HSD17B4: variants seen among roughly 807,000 people sequenced by gnomAD.
The protein encoded by HSD17B4 is peroxisomal multifunctional enzyme type 2.
HSD17B4 carries 70 observed loss-of-function variants against 101.0 expected under a neutral mutation model. The observed-to-expected ratio is 0.69, with a 90% confidence interval of 0.57 to 0.85. The LOEUF is 0.85. Among genes scored for constraint, HSD17B4 ranks in the 40% least tolerant of loss-of-function variants. The pLI, the probability that HSD17B4 is intolerant of heterozygous loss-of-function variation, is 0.00. For missense variants in HSD17B4, 984 were observed against 892.4 expected (o/e 1.10, Z -1.31); for synonymous variants, 347 against 297.1 (o/e 1.17, Z -1.73).
chr5:119,514,837 C>A, intron 16 of HSD17B4, 144 bp from the exon 17 acceptor site: 1 of 637,488 alleles, frequency 1.6e-6, no homozygotes, highest in Non-Finnish European at 2.9e-6. Flanking sequence ...TCATTATTTC[C>A]TGAGCATGAT....
At chr5:119,464,758 A>T (rs994475159) in intron 2 of HSD17B4, 1 of 151,946 alleles carries the variant, frequency 6.6e-6, no homozygotes. Context: ...ACGCCCAGCT[A>T]ATTTTTATAT....
chr5:119,506,780 T>A (rs1751689273), intron 14 of HSD17B4, 38 bp from the exon 15 acceptor site: 5 of 1,185,264 alleles, frequency 4.2e-6, no homozygotes, highest in Non-Finnish European at 6.3e-6. Context: ...TAATCTTTGG[T>A]TTTTAAGACA....
chr5:119,508,383 A>G (rs1285997976), intron 15 of HSD17B4, among the ~76,000 whole-genome samples: 4 of 152,206 alleles, frequency 2.6e-5, no homozygotes, highest in African/African-American at 9.6e-5. Context: ...ATGTGATAAA[A>G]ATAAAAATCT....
intron 8 of HSD17B4, 90 bp from the exon 9 acceptor site, chr5:119,489,101 TA>T: frequency 1.1e-6 from 1 of 878,474 alleles, no homozygotes; most frequent in East Asian, 2.7e-5. Context: ...GTTCCTATTT[TA>T]AAGGTCTCTG....
chr5:119,456,079 G>T (rs1288843225), intron 1 of HSD17B4, among the ~76,000 whole-genome samples: 1 of 152,198 alleles, frequency 6.6e-6, no homozygotes, highest in African/African-American at 2.4e-5. Context: ...TAGCAGCTAA[G>T]TAGAATGGTA....
chr5:119,474,588 A>T lies in HSD17B4; in HGVS notation c.280+128A>T, dbSNP rs547001273. The T allele has an allele frequency of 4.1e-6, 3 of 728,644 alleles. No homozygotes were observed. In the South Asian group the frequency reaches 4.5e-5, roughly 11 times the overall value. The allele number at this position is 728,644 out of a possible 1,614,324, so 45.1% of individuals were successfully genotyped here. A position where few individuals can be genotyped will look rare whatever the true frequency, so the allele number is the denominator to read the frequency against. ...ATAATCACATTTTAAAATTTGATTT[A>T]TAAGTTAATTATTGTACTTATTTCA... On this transcript the variant is annotated intron_variant, in intron 4 of 23. Transcript: ENST00000510025.
intron 10 of HSD17B4, 62 bp downstream of exon 10, chr5:119,492,186 C>A: frequency 1.6e-6 from 2 of 1,232,206 alleles, no homozygotes; most frequent in Non-Finnish European, 2.4e-6. Flanking sequence ...CCTACATATC[C>A]AGTTGAGATG....
Position 119,477,476 on chromosome 5 carries a change from C to T in HSD17B4, c.409C>T (p.His137Tyr). Residue 137 changes from histidine to tyrosine, a missense_variant, in exon 7 of 24, where the codon CAC (histidine) becomes TAC (tyrosine). His to Tyr is a moderately conservative substitution (Grantham distance 83). Transcript: ENST00000510025. ...SFQVTRAAWE[H>Y]MKKQKYGRII... ...CCAAGTGACACGGGCAGCATGGGAA[C>T]ACATGAAGAAACAGAAGTATGGAAG... The T allele has an allele frequency of 6.2e-7, 1 of 1,612,622 alleles. No homozygotes were observed. The highest frequency in any genetic ancestry group is 8.5e-7 in the Non-Finnish European group (1 of 1,178,830).
Position 119,526,008 on chromosome 5 carries a change from A to T in HSD17B4, c.1665A>T (p.Arg555Ser), listed in dbSNP as rs1255224342. Residue 555 changes from arginine (R) to serine (S), a missense_variant, in exon 19 of 24, where the codon AGA (arginine) becomes AGT (serine). Transcript: ENST00000510025. The part of the protein sequence containing the change: ...LQQFADNDVS[R>S]FKAIKARFAK... ...AGTTTGCAGATAATGATGTGTCAAG[A>T]TTCAAGGCAATTAAGGTAAATGTGT... The T allele has an allele frequency of 3.8e-6, 6 of 1,583,884 alleles. No homozygotes were observed. The highest frequency in any genetic ancestry group is 4.3e-6 in the Non-Finnish European group (5 of 1,152,612).
intron 3 of HSD17B4, among the ~76,000 whole-genome samples, 176 bp from the exon 4 acceptor site, chr5:119,474,225 T>C (rs1185227916): frequency 6.6e-6 from 1 of 152,240 alleles, no homozygotes; most frequent in Non-Finnish European, 1.5e-5. Flanking sequence ...TGTTCTATTG[T>C]TTACTATTTT....
In HSD17B4 at chr5:119,537,054, G is replaced by A. The variant is rs1224462120; in HGVS notation, c.2121+504G>A. 2.6e-5 allele frequency among the ~76,000 whole-genome samples: 4 copies of A among 152,084 alleles called. No individual in the cohort carries two copies. In the East Asian group the frequency reaches 5.8e-4, roughly 22 times the overall value. On this transcript the variant is annotated intron_variant, in intron 23 of 23. Transcript: ENST00000510025. ...AATATACAAAATTAAAGTAATTGATGTGGCAATTAGAATGGAGGAGAAAAA... is the reference window on the plus strand; with the variant it reads ...AATATACAAAATTAAAGTAATTGATATGGCAATTAGAATGGAGGAGAAAAA...
chr5:119,507,245 G>A (rs1417556788), intron 15 of HSD17B4, among the ~76,000 whole-genome samples: 1 of 152,146 alleles, frequency 6.6e-6, no homozygotes, highest in Admixed American at 6.5e-5. Context: ...ATTAGGCTGT[G>A]TTTTAGGTAT....
chr5:119,473,314 C>CTTT (rs767536359), intron 2 of HSD17B4, among the ~76,000 whole-genome samples: 8 of 58,404 alleles, frequency 1.4e-4, no homozygotes, highest in African/African-American at 2.6e-4. Flanking sequence ...TTCCCTGCTC[C>CTTT]TTTTTTTTTT....
chr5:119,454,643 A>G (rs1047138787), intron 1 of HSD17B4, among the ~76,000 whole-genome samples: 1 of 150,886 alleles, frequency 6.6e-6, no homozygotes, highest in Non-Finnish European at 1.5e-5. Context: ...TTTGTTTGAG[A>G]GGGAGTTTTG....
intron 12 of HSD17B4, 24 bp from the exon 13 acceptor site, chr5:119,499,293 A>G: frequency 1.3e-6 from 2 of 1,505,392 alleles, no homozygotes; most frequent in Non-Finnish European, 1.8e-6. Flanking sequence ...AATGAAATAA[A>G]TTACTTTTTA....
At chr5:119,474,072 A>T in intron 3 of HSD17B4, 57 bp downstream of exon 3, 1 of 942,414 alleles carries the variant, frequency 1.1e-6, no homozygotes. Context: ...GCTATTTGTC[A>T]CATTAATAAT....
At chr5:119,460,408 C>T (rs1225051208) in intron 2 of HSD17B4, among the ~76,000 whole-genome samples, 1 of 152,100 alleles carries the variant, frequency 6.6e-6, no homozygotes, top group African/African-American at 2.4e-5. Context: ...AATAAATGAG[C>T]CGTACATGAA....
chr5:119,455,242 A>G (rs1754493583), intron 1 of HSD17B4, among the ~76,000 whole-genome samples: 2 of 152,164 alleles, frequency 1.3e-5, no homozygotes, highest in East Asian at 1.9e-4. Flanking sequence ...TTGGCTGGGG[A>G]TGGTGGTGGC....
intron 2 of HSD17B4, among the ~76,000 whole-genome samples, chr5:119,461,861 G>A (rs1386977219): frequency 6.6e-6 from 1 of 152,136 alleles, no homozygotes; most frequent in Non-Finnish European, 1.5e-5. Flanking sequence ...CTCAGCCTGG[G>A]TGACAGTGAT....
Sources: allele counts gnomAD v4.1 joint callset (sites outside exome capture counted in the v4.1 genomes callset), GRCh38; gene constraint gnomAD v4.1.1; transcripts MANE v1.5; gene names NCBI Gene and HGNC (gene_info 2026-07-23, HGNC 2026-07-21).